Variants in NCAM1 observed in about 807,000 individuals in gnomAD.
The protein encoded by NCAM1 is neural cell adhesion molecule 1.
A neutral mutation model predicts 109.8 loss-of-function variants in NCAM1; 14 were observed. The ratio of observed to expected loss-of-function variants is 0.13; its 90% CI spans 0.08 to 0.20. The LOEUF (loss-of-function observed/expected upper bound fraction) is 0.20, where lower values mean the gene tolerates loss of function less well. NCAM1 is among the 10% of genes least tolerant of loss of function. The pLI is 1.00. For missense variants in NCAM1, 774 were observed against 1,109.9 expected (o/e 0.70, Z 4.30); for synonymous variants, 418 against 442.9 (o/e 0.94, Z 0.70).
intron 1 of NCAM1, among the ~76,000 whole-genome samples, chr11:113,010,082 C>G (rs1400653359): frequency 6.6e-6 from 1 of 151,914 alleles, no homozygotes; most frequent in African/African-American, 2.4e-5. Context: ...GCAAAACCAC[C>G]TAATGAACCA....
At chr11:113,270,035 G>C (rs761171937) in intron 17 of NCAM1, 153 bp from the exon 18 acceptor site, 6 of 702,768 alleles carry the variant, frequency 8.5e-6, no homozygotes, top group Non-Finnish European at 1.5e-5. Flanking sequence ...TCAATTCTGG[G>C]GCATAGAAGG....
chr11:113,081,537 CTTTTCTTT>C (rs1565424816), intron 1 of NCAM1, among the ~76,000 whole-genome samples: 1 of 146,426 alleles, frequency 6.8e-6, no homozygotes, highest in Non-Finnish European at 1.5e-5. Flanking sequence ...TACTTTTTAT[CTTTTCTTT>C]TTTTCTTTTT....
At chr11:112,995,709 A>T (rs1490688566) in intron 1 of NCAM1, among the ~76,000 whole-genome samples, 4 of 152,200 alleles carry the variant, frequency 2.6e-5, no homozygotes, top group African/African-American at 9.6e-5. Context: ...GCAACTCTGC[A>T]TAGTTTTTTG....
rs781923282 is a variant in NCAM1, at chr11:113,231,670, G to C, written c.1115G>C (p.Arg372Pro). 2 of 1,613,778 alleles carry C rather than the reference G, an allele frequency of 1.2e-6. No homozygotes were observed. Among genetic ancestry groups the C allele is most frequent in the South Asian group, 2.2e-5 (2 of 91,072 alleles). Residue 372 changes from arginine (R) to proline (P), a missense_variant, in exon 10 of 20, where the codon CGT becomes CCT. Physicochemically the swap from Arg to Pro is moderately radical, Grantham distance 103. Transcript: ENST00000316851. Reference protein sequence around the residue: ...QETLDGHMVVRSHARVSSLTL... With the variant: ...QETLDGHMVVPSHARVSSLTL... ...ACTCTGGATGGGCACATGGTGGTGC[G>C]TAGCCATGCCCGTGTGTCGTCGCTG...
At chr11:113,200,049 T>C (rs1236489285) in intron 1 of NCAM1, among the ~76,000 whole-genome samples, 1 of 152,166 alleles carries the variant, frequency 6.6e-6, no homozygotes, top group Admixed American at 6.5e-5. Context: ...AAGGCTGTTT[T>C]TTCACTTGGG....
chr11:113,220,194 T>TA (rs1255367006), intron 8 of NCAM1, among the ~76,000 whole-genome samples: 13 of 152,154 alleles, frequency 8.5e-5, no homozygotes, highest in Admixed American at 6.5e-4. Flanking sequence ...GCTGGAGAAA[T>TA]AAAAAAATCT....
intron 1 of NCAM1, among the ~76,000 whole-genome samples, chr11:113,001,817 C>T (rs1016701112): frequency 2.6e-5 from 4 of 152,024 alleles, no homozygotes; most frequent in Non-Finnish European, 4.4e-5. Context: ...AAAAAAACTC[C>T]AGTGGTGAGG....
At chr11:113,261,003 C>T (rs1219342379) in intron 17 of NCAM1, among the ~76,000 whole-genome samples, 3 of 152,222 alleles carry the variant, frequency 2.0e-5, no homozygotes, top group Non-Finnish European at 4.4e-5. Flanking sequence ...CCTAACCTTG[C>T]TGGTCTCCTT....
At chr11:113,005,886 G>A (rs528153882) in intron 1 of NCAM1, among the ~76,000 whole-genome samples, 1 of 152,200 alleles carries the variant, frequency 6.6e-6, no homozygotes. Context: ...TTTCAATTTG[G>A]TTATTCTGAT....
rs782354252 is a variant in NCAM1, at chr11:113,232,858, C to A, written c.1522+44C>A. Reference sequence around the variant, plus strand: ...CCTGAGAGCAGCTGCCACAACCCCCCACCTAACCCTGCCAGCCCAATTTGT... The same window carrying A: ...CCTGAGAGCAGCTGCCACAACCCCCAACCTAACCCTGCCAGCCCAATTTGT... On this transcript the variant is annotated intron_variant, in intron 12 of 19. Coordinates refer to ENST00000316851, the MANE Select transcript of NCAM1 (RefSeq NM_181351.5). The A allele has an allele frequency of 3.3e-6, 5 of 1,520,166 alleles. No individual in the cohort carries two copies. In the South Asian group the frequency reaches 4.5e-5, roughly 14 times the overall value. The allele number at this position is 1,520,166 out of a possible 1,614,324, so 94.2% of individuals were successfully genotyped here. A position where few individuals can be genotyped will look rare whatever the true frequency, so the allele number is the denominator to read the frequency against.
Position 113,273,763 on chromosome 11 carries a change from T to G in NCAM1, c.2457-1504T>G, listed in dbSNP as rs930962133. ...GCAAAGACCGAGTACGGCCTCTCTT[T>G]GTCTGCTGTCATCGGGTTGTGTCCT... On this transcript the variant is annotated intron_variant, in intron 19 of 19. Coordinates refer to ENST00000316851, the MANE Select transcript of NCAM1 (RefSeq NM_181351.5). This position sits in a 1 kb window ranked among gnomAD's most constrained non-coding sequence, Gnocchi z 6.0. 17 of 426,034 alleles carry G rather than the reference T, an allele frequency of 4.0e-5. No individual in the cohort carries two copies. The Admixed American group carries it at 4.0e-4, about 10-fold the overall frequency. 26.4% of individuals were successfully genotyped at this position (426,034 alleles called of 1,614,324 possible). A position where few individuals can be genotyped will look rare whatever the true frequency, so the allele number is the denominator to read the frequency against.
At chr11:113,125,932 G>A (rs900976865) in intron 1 of NCAM1, among the ~76,000 whole-genome samples, 15 of 152,004 alleles carry the variant, frequency 9.9e-5, no homozygotes, top group African/African-American at 2.9e-4. Context: ...AAGTTGGGCA[G>A]ATCACTTAAG....
At chr11:113,061,390 G>A (rs2846911) in intron 1 of NCAM1, among the ~76,000 whole-genome samples, 126,451 of 152,032 alleles carry the variant, frequency 0.83, 52,920 homozygotes, top group African/African-American at 0.92. Flanking sequence ...ACAATTTCTT[G>A]CAATACCTGC....
intron 1 of NCAM1, among the ~76,000 whole-genome samples, chr11:113,160,951 C>T (rs964142753): frequency 1.3e-5 from 2 of 152,134 alleles, no homozygotes; most frequent in African/African-American, 4.8e-5. Context: ...ATTAAACTAT[C>T]TTCTTGTCCA....
In NCAM1 at chr11:113,275,538, TAAA is replaced by T; in HGVS notation, c.*157_*159del. ...TCATTTCTCTAGTGTCTTTTGCCTT[TAAA>T]AAAAACTAAACAGATAAAACATGGG... On this transcript the variant is annotated 3_prime_UTR_variant, in exon 20 of 20. Transcript: ENST00000316851. 3 of 956,256 alleles carry T rather than the reference TAAA, an allele frequency of 3.1e-6. No homozygotes were observed. Among genetic ancestry groups the T allele is most frequent in the Non-Finnish European group, 4.4e-6 (3 of 678,502 alleles). The allele number at this position is 956,256 out of a possible 1,614,324, so 59.2% of individuals were successfully genotyped here.
In NCAM1 at chr11:113,275,499, C is replaced by A; in HGVS notation, c.*112C>A. ...GCACGCACACACACAAACACACATG[C>A]ACACACACACATCTCATTTCTCTAG... On this transcript the variant is annotated 3_prime_UTR_variant, in exon 20 of 20. Coordinates refer to ENST00000316851, the MANE Select transcript of NCAM1 (RefSeq NM_181351.5). The A allele has an allele frequency of 8.3e-7, 1 of 1,207,506 alleles. No homozygotes were observed. The highest frequency in any genetic ancestry group is 1.1e-6 in the Non-Finnish European group (1 of 876,040). 74.8% of individuals were successfully genotyped at this position (1,207,506 alleles called of 1,614,324 possible).
rs374562728 is a variant in NCAM1 at position 113,074,896 on chromosome 11, T to C, written c.52+113232T>C. Among the ~76,000 whole-genome samples, 3 of 152,218 alleles carry C rather than the reference T, an allele frequency of 2.0e-5. No individual in the cohort carries two copies. The East Asian group carries it at 5.8e-4, about 30-fold the overall frequency. ...ATCTGCCCGCCTCGGCCTCCCAAAG[T>C]GCTGGGATTATAGGCGTCAGCAACT... On this transcript the variant is annotated intron_variant, in intron 1 of 19. Transcript: ENST00000316851.
intron 9 of NCAM1, 137 bp from the exon 10 acceptor site, chr11:113,231,508 A>C (rs1420697319): frequency 1.0e-6 from 1 of 986,310 alleles, no homozygotes. Flanking sequence ...AGCCATTGAC[A>C]CAGAGAGGAG....
chr11:112,970,721 T>G (rs779348015), intron 1 of NCAM1, among the ~76,000 whole-genome samples: 16 of 152,142 alleles, frequency 1.1e-4, no homozygotes, highest in Non-Finnish European at 2.1e-4. Context: ...TGCTGAAAAA[T>G]AAAAATCAAA....
Sources: allele counts gnomAD v4.1 joint callset (sites outside exome capture counted in the v4.1 genomes callset), GRCh38; gene constraint gnomAD v4.1.1; non-coding constraint Gnocchi (gnomAD v3.1); transcripts MANE v1.5; gene names NCBI Gene and HGNC (gene_info 2026-07-23, HGNC 2026-07-21).